CFAP52: variants seen among roughly 807,000 people sequenced by gnomAD.
CFAP52 encodes cilia- and flagella-associated protein 52.
A neutral mutation model predicts 70.5 loss-of-function variants in CFAP52; 57 were observed. The observed-to-expected ratio is 0.81, with a 90% CI of 0.65 to 1.01. CFAP52 has a LOEUF of 1.01. CFAP52 is among the 50% of genes least tolerant of loss of function. The pLI is 0.00. For missense variants in CFAP52, 785 were observed against 788.5 expected (o/e 1.00, Z 0.05); for synonymous variants, 267 against 292.5 (o/e 0.91, Z 0.89).
At chr17:9,624,902 G>C (rs548229231) in intron 8 of CFAP52, among the ~76,000 whole-genome samples, 2 of 152,032 alleles carry the variant, frequency 1.3e-5, no homozygotes, top group Non-Finnish European at 2.9e-5. Context: ...GCCTGGCCTT[G>C]GGTTCTTCTG....
chr17:9,623,300 T>C (rs1188806120), intron 8 of CFAP52, among the ~76,000 whole-genome samples: 1 of 152,224 alleles, frequency 6.6e-6, no homozygotes, highest in Non-Finnish European at 1.5e-5. Context: ...TTTAACCCTT[T>C]TATTTTTCCA....
intron 7 of CFAP52, among the ~76,000 whole-genome samples, chr17:9,608,989 G>GAT (rs1909615428): frequency 6.6e-6 from 1 of 152,160 alleles, no homozygotes; most frequent in Non-Finnish European, 1.5e-5. Context: ...TCAGAGAAGA[G>GAT]GATGACCTTC....
intron 7 of CFAP52, among the ~76,000 whole-genome samples, chr17:9,612,066 C>G (rs1283586489): frequency 6.6e-6 from 1 of 152,198 alleles, no homozygotes; most frequent in Non-Finnish European, 1.5e-5. Context: ...ATTGCACAAC[C>G]CATGTCAAAA....
intron 1 of CFAP52, 58 bp from the exon 2 acceptor site, chr17:9,585,715 G>C: frequency 5.1e-6 from 8 of 1,555,288 alleles, no homozygotes; most frequent in Non-Finnish European, 7.1e-6. Context: ...TACTCAAGTA[G>C]AAAATTCCTG....
At chr17:9,645,061 G>C (rs531481433), downstream of CFAP52, 3 of 152,306 alleles carry the variant, frequency 2.0e-5, no homozygotes, top group East Asian at 5.8e-4. The surrounding 1 kb of genome is among the most constrained non-coding windows in gnomAD (Gnocchi z 6.8). Context: ...CAGACGGTCT[G>C]GAAGGAGGTG....
intron 6 of CFAP52, among the ~76,000 whole-genome samples, chr17:9,605,694 GAAAAAAAAA>G (rs56157011): frequency 5.3e-5 from 3 of 56,970 alleles, no homozygotes; most frequent in Non-Finnish European, 9.9e-5. Context: ...GACTCCATCT[GAAAAAAAAA>G]AAAAAAAAAA....
At chr17:9,602,334 C>T (rs1400201335) in intron 6 of CFAP52, among the ~76,000 whole-genome samples, 1 of 152,096 alleles carries the variant, frequency 6.6e-6, no homozygotes, top group East Asian at 1.9e-4. Context: ...TCCATGTGTC[C>T]TCATTGTTCA....
intron 3 of CFAP52, 135 bp from the exon 4 acceptor site, chr17:9,594,058 G>A: frequency 4.8e-6 from 6 of 1,263,018 alleles, no homozygotes; most frequent in South Asian, 3.4e-5. Context: ...TGTCAGGGGT[G>A]GGGTAATTTT....
At chr17:9,614,182 A>T (rs1597785179) in intron 8 of CFAP52, among the ~76,000 whole-genome samples, 2 of 115,276 alleles carry the variant, frequency 1.7e-5, no homozygotes, top group Non-Finnish European at 1.6e-5. Flanking sequence ...TTTGAGACTG[A>T]GTCTCGCTCT....
At chr17:9,638,531 C>G in intron 11 of CFAP52, 78 bp from the exon 12 acceptor site, 1 of 1,411,816 alleles carries the variant, frequency 7.1e-7, no homozygotes, top group Non-Finnish European at 1.0e-6. Context: ...CAGCTTGCAC[C>G]AAATCCAGCT....
intron 6 of CFAP52, among the ~76,000 whole-genome samples, chr17:9,604,694 G>A (rs1278129864): frequency 2.0e-5 from 3 of 151,714 alleles, no homozygotes; most frequent in East Asian, 1.9e-4. Flanking sequence ...CTTGAACCCG[G>A]CAGTGAGATC....
At position 9,598,273 on chromosome 17, in the gene CFAP52, A is replaced by G. The variant is rs758645765; in HGVS notation, c.576A>G (p.Arg192=). 6 of 1,613,260 alleles carry G rather than the reference A, an allele frequency of 3.7e-6. No homozygotes were observed. Among genetic ancestry groups the G allele is most frequent in the Non-Finnish European group, 5.1e-6 (6 of 1,179,956 alleles). ...IRVWELDLPN[R]KIWPTECQTG... is the part of the protein sequence containing the mutation. Reference sequence around the variant, plus strand: ...TATGGGAATTGGATCTTCCAAATAGAAAAATCTGGCCAACTGAGTGCCAAA... The same window carrying G: ...TATGGGAATTGGATCTTCCAAATAGGAAAATCTGGCCAACTGAGTGCCAAA... Residue 192 remains arginine, a synonymous_variant, in exon 5 of 14, where the codon AGA becomes AGG. Coordinates refer to ENST00000352665, the MANE Select transcript of CFAP52 (RefSeq NM_145054.5).
intron 3 of CFAP52, among the ~76,000 whole-genome samples, chr17:9,587,698 G>A (rs906301689): frequency 5.3e-5 from 8 of 152,048 alleles, no homozygotes; most frequent in African/African-American, 1.9e-4. Context: ...TCCTTTGCCT[G>A]CTTTTTAATG....
At chr17:9,640,983 G>A (rs11656567) in intron 12 of CFAP52, among the ~76,000 whole-genome samples, 10,451 of 152,172 alleles carry the variant, frequency 0.069, 374 homozygotes, top group South Asian at 0.12. Context: ...ATCATTGATG[G>A]GCATTTAGGT....
chr17:9,636,640 C>T (rs1910817035), intron 11 of CFAP52, among the ~76,000 whole-genome samples: 1 of 152,136 alleles, frequency 6.6e-6, no homozygotes, highest in Non-Finnish European at 1.5e-5. Context: ...TATATCACTG[C>T]ATACGAGAGA....
intron 4 of CFAP52, among the ~76,000 whole-genome samples, chr17:9,595,264 C>T (rs1908947276): frequency 1.3e-5 from 2 of 151,780 alleles, no homozygotes; most frequent in South Asian, 4.2e-4. Flanking sequence ...TTTTTTTCAA[C>T]CCATCTTGGA....
chr17:9,580,465 AT>A (rs1158384622), intron 1 of CFAP52, among the ~76,000 whole-genome samples: 6 of 152,180 alleles, frequency 3.9e-5, no homozygotes, highest in Non-Finnish European at 7.3e-5. Context: ...AGGCAGGAAG[AT>A]TCCTTGAGGC....
At position 9,635,482 on chromosome 17, in the gene CFAP52, C is replaced by T; in HGVS notation, c.1398C>T (p.Cys466=). 6.2e-7 allele frequency: 1 copy of T among 1,614,182 alleles called. No homozygotes were observed. ...AGGAACACAAGTCATCAGTGTCCTGCATTAGGGTGAAGAGGAACAACGAGG... is the reference window on the plus strand; with the variant it reads ...AGGAACACAAGTCATCAGTGTCCTGTATTAGGGTGAAGAGGAACAACGAGG... ...ALKEHKSSVS[C]IRVKRNNEEC... The change falls in exon 11 of 14, where the codon TGC becomes TGT. Residue 466 remains cysteine (C), a synonymous_variant. Transcript: ENST00000352665.
Position 9,585,846 on chromosome 17 carries a change from C to T in CFAP52, c.144C>T (p.Leu48=). The T allele has an allele frequency of 6.2e-7, 1 of 1,614,066 alleles. No homozygotes were observed. Among genetic ancestry groups the T allele is most frequent in the Non-Finnish European group, 8.5e-7 (1 of 1,180,018 alleles). The change falls in exon 2 of 14, where the codon CTC becomes CTT. Residue 48 remains leucine, a synonymous_variant. Coordinates refer to ENST00000352665, the MANE Select transcript of CFAP52 (RefSeq NM_145054.5). The stretch of plus-strand genomic sequence containing the variant: ...TTTATCCTCTTGGTTGCACAGTCCT[C>T]ATTCAGGCAATAAATACTAAAGAGC... ...HMIYPLGCTV[L]IQAINTKEQN... is the part of the protein sequence containing the mutation.
Sources: gnomAD v4.1 joint callset for allele counts (sites outside exome capture counted in the v4.1 genomes callset) on GRCh38, gnomAD v4.1.1 for gene constraint, Gnocchi (gnomAD v3.1) non-coding constraint, MANE v1.5 for transcripts, NCBI Gene and HGNC (gene_info 2026-07-23, HGNC 2026-07-21) for gene names.